IKZF3: variants seen among roughly 807,000 people sequenced by gnomAD.
IKZF3 encodes zinc finger protein Aiolos.
A neutral mutation model predicts 49.0 loss-of-function variants in IKZF3; 10 were observed. That is an observed-to-expected ratio of 0.20 (90% CI 0.13 to 0.35). The LOEUF is 0.35. Among genes scored for constraint, IKZF3 ranks in the 10% least tolerant of loss-of-function variants. The probability of loss-of-function intolerance (pLI) is 1.00; values close to 1 mark genes in which losing one functional copy is unlikely to be tolerated. For synonymous variants in IKZF3, 209 were observed against 228.2 expected, an observed-to-expected ratio of 0.92 and a Z score of 0.76; for missense variants, 498 against 664.8, an observed-to-expected ratio of 0.75 and a Z score of 2.76.
chr17:39,785,458 A>C (rs2060851877), intron 6 of IKZF3, among the ~76,000 whole-genome samples: 1 of 152,178 alleles, frequency 6.6e-6, no homozygotes. Context: ...AAATTAACTC[A>C]ACCTCTGTAT....
chr17:39,807,583 C>T (rs1305784787), intron 3 of IKZF3, among the ~76,000 whole-genome samples: 2 of 101,652 alleles, frequency 2.0e-5, no homozygotes, highest in Non-Finnish European at 3.9e-5. Context: ...GAGACGGGGC[C>T]TCTATATGTT....
intron 3 of IKZF3, among the ~76,000 whole-genome samples, chr17:39,828,879 T>G (rs1407447845): frequency 6.6e-6 from 1 of 152,002 alleles, no homozygotes; most frequent in African/African-American, 2.4e-5. Flanking sequence ...TGGGCGCCTG[T>G]AATCTCGGCT....
At chr17:39,829,070 T>C (rs2062033724) in intron 3 of IKZF3, among the ~76,000 whole-genome samples, 1 of 152,166 alleles carries the variant, frequency 6.6e-6, no homozygotes, top group Non-Finnish European at 1.5e-5. Context: ...ACCAGAAAAT[T>C]GGTTTGTTGG....
At chr17:39,781,908 C>T (rs1363318916) in intron 6 of IKZF3, among the ~76,000 whole-genome samples, 1 of 152,176 alleles carries the variant, frequency 6.6e-6, no homozygotes, top group Non-Finnish European at 1.5e-5. Context: ...CATGGATGGA[C>T]ATATTTTGAG....
At chr17:39,840,997 C>A (rs576881604) in intron 1 of IKZF3, among the ~76,000 whole-genome samples, 3 of 151,750 alleles carry the variant, frequency 2.0e-5, no homozygotes, top group Non-Finnish European at 2.9e-5. Context: ...GGCAACATGG[C>A]GAAACCCCAT....
chr17:39,792,648 A>G, intron 4 of IKZF3, 25 bp downstream of exon 4: 1 of 1,597,364 alleles, frequency 6.3e-7, no homozygotes, highest in Non-Finnish European at 8.5e-7. Context: ...AGTTTTCAGA[A>G]GAATGAAAAA....
chr17:39,777,775 G>A lies in IKZF3; in HGVS notation c.710-8C>T. The A allele has an allele frequency of 6.2e-7, 1 of 1,606,440 alleles. No homozygotes were observed. The highest frequency in any genetic ancestry group is 8.5e-7 in the Non-Finnish European group (1 of 1,177,096). Reference sequence around the variant, plus strand: ...GTCTTGCCTCCGCACTTGCTAGTTTGGAAAAATGTAAAAAGAAGAGAGAAA... The same window carrying A: ...GTCTTGCCTCCGCACTTGCTAGTTTAGAAAAATGTAAAAAGAAGAGAGAAA... On this transcript the variant is annotated splice_polypyrimidine_tract_variant and splice_region_variant and intron_variant, in intron 6 of 7. Coordinates refer to ENST00000346872, the MANE Select transcript of IKZF3 (RefSeq NM_012481.5).
intron 3 of IKZF3, among the ~76,000 whole-genome samples, chr17:39,812,181 G>C (rs960814501): frequency 6.6e-6 from 1 of 152,128 alleles, no homozygotes; most frequent in Admixed American, 6.5e-5. Flanking sequence ...TATTTTACAA[G>C]ATAAAATTTC....
chr17:39,796,453 G>A (rs2061163988), intron 3 of IKZF3, among the ~76,000 whole-genome samples: 1 of 151,830 alleles, frequency 6.6e-6, no homozygotes, highest in Admixed American at 6.6e-5. Context: ...GGCTCTCTAG[G>A]TGCCAACTCC....
chr17:39,792,871 G>C lies in IKZF3; in HGVS notation c.226C>G (p.Pro76Ala). ...ERDENVLKSE[P>A]MGNAEEPEIP... is the part of the protein sequence containing the mutation. Reference sequence around the variant, plus strand: ...TCAGGCTCTTCTGCATTTCCCATGGGTTCTGACTTTAAAACATTCTCATCT... The same window carrying C: ...TCAGGCTCTTCTGCATTTCCCATGGCTTCTGACTTTAAAACATTCTCATCT... Residue 76 changes from proline (P) to alanine (A), a missense_variant, in exon 4 of 8, where the codon CCC becomes GCC. By Grantham distance (27) the Pro-to-Ala change is conservative. Coordinates refer to ENST00000346872, the MANE Select transcript of IKZF3 (RefSeq NM_012481.5). 1 of 1,613,824 alleles carries C rather than the reference G, an allele frequency of 6.2e-7. No individual in the cohort carries two copies. Among genetic ancestry groups the C allele is most frequent in the Non-Finnish European group, 8.5e-7 (1 of 1,179,762 alleles).
In IKZF3 at chr17:39,758,850, A is replaced by C. The variant is rs2060118843; in HGVS notation, c.*6940T>G. The C allele has an allele frequency of 6.8e-6, 1 of 146,688 alleles. No individual in the cohort carries two copies. Among genetic ancestry groups the C allele is most frequent in the Non-Finnish European group, 1.5e-5 (1 of 67,012 alleles). The allele number at this position is 146,688 out of a possible 1,614,324, so 9.1% of individuals were successfully genotyped here. A position where few individuals can be genotyped will look rare whatever the true frequency, so the allele number is the denominator to read the frequency against. On this transcript the variant is annotated 3_prime_UTR_variant, in exon 8 of 8. Transcript: ENST00000346872. The stretch of plus-strand genomic sequence containing the variant: ...CATTTGTAAAGGAATTGCTATTATG[A>C]TCTAGTATGATCTTGGGATATTTTT...
intron 3 of IKZF3, among the ~76,000 whole-genome samples, chr17:39,821,368 A>C (rs1045673997): frequency 6.6e-6 from 1 of 152,162 alleles, no homozygotes; most frequent in Non-Finnish European, 1.5e-5. Flanking sequence ...TCACAGAAAC[A>C]TATGGTTTGG....
At position 39,788,338 on chromosome 17, in the gene IKZF3, C is replaced by G; in HGVS notation, c.629G>C (p.Ser210Thr). Residue 210 changes from serine to threonine, a missense_variant, in exon 6 of 8, where the codon AGT becomes ACT. By Grantham distance (58) the Ser-to-Thr change is moderately conservative (BLOSUM62 1). Coordinates refer to ENST00000346872, the MANE Select transcript of IKZF3 (RefSeq NM_012481.5). ...CTCAAGGGAACTTCTCTGCTTGTAA[C>G]TCCTTCCACAAAACTCACATTTGTA... The part of the protein sequence containing the change: ...KPYKCEFCGR[S>T]YKQRSSLEEH... 6.2e-7 allele frequency: 1 copy of G among 1,613,810 alleles called. No individual in the cohort carries two copies. The highest frequency in any genetic ancestry group is 8.5e-7 in the Non-Finnish European group (1 of 1,179,822).
chr17:39,827,046 GGA>G (rs1321207625), intron 3 of IKZF3, among the ~76,000 whole-genome samples: 1 of 152,160 alleles, frequency 6.6e-6, no homozygotes, highest in African/African-American at 2.4e-5. Flanking sequence ...CACCCAGGCT[GGA>G]GTGCAGTGGT....
intron 1 of IKZF3, among the ~76,000 whole-genome samples, chr17:39,837,940 C>T (rs2062350760): frequency 6.6e-6 from 1 of 152,266 alleles, no homozygotes; most frequent in African/African-American, 2.4e-5. Context: ...CCACGCCTGG[C>T]CTGTCTTCTA....
intron 6 of IKZF3, among the ~76,000 whole-genome samples, chr17:39,788,031 T>C (rs2060914584): frequency 6.6e-6 from 1 of 152,220 alleles, no homozygotes. Context: ...AAATGTTACC[T>C]CGTTGAAGCC....
At chr17:39,806,666 A>T (rs913599279) in intron 3 of IKZF3, among the ~76,000 whole-genome samples, 1 of 152,196 alleles carries the variant, frequency 6.6e-6, no homozygotes, top group Non-Finnish European at 1.5e-5. Context: ...GTCATTTTGG[A>T]AAACAGTTTG....
intron 6 of IKZF3, among the ~76,000 whole-genome samples, chr17:39,784,918 C>T (rs2060836841): frequency 6.6e-6 from 1 of 152,178 alleles, no homozygotes; most frequent in Non-Finnish European, 1.5e-5. Context: ...TCTAGAAAGT[C>T]CTGCTTCCCC....
intron 3 of IKZF3, among the ~76,000 whole-genome samples, chr17:39,826,968 C>T (rs930756063): frequency 6.6e-6 from 1 of 152,228 alleles, no homozygotes; most frequent in African/African-American, 2.4e-5. Context: ...AGAGCCAATG[C>T]TGGTAGTCCC....
Sources: allele counts gnomAD v4.1 joint callset (sites outside exome capture counted in the v4.1 genomes callset), GRCh38; gene constraint gnomAD v4.1.1; transcripts MANE v1.5; gene names NCBI Gene and HGNC (gene_info 2026-07-23, HGNC 2026-07-21).